SH3TC1: variants seen among roughly 807,000 people sequenced by gnomAD.
SH3TC1 encodes the protein SH3 domain and tetratricopeptide repeats 1.
Under a neutral mutation model 117.3 loss-of-function variants are expected in SH3TC1, and 135 were observed. The ratio of observed to expected loss-of-function variants is 1.15; its 90% CI spans 1.00 to 1.33. SH3TC1 has a LOEUF of 1.33. Ranked by LOEUF, SH3TC1 falls within the 40% of genes most tolerant of loss-of-function variation. The probability of loss-of-function intolerance (pLI) is 0.00; values close to 1 mark genes in which losing one functional copy is unlikely to be tolerated. For missense variants in SH3TC1, 2,092 were observed against 1,794.3 expected (o/e 1.17, Z -3.00); for synonymous variants, 898 against 816.9 (o/e 1.10, Z -1.69).
intron 7 of SH3TC1, among the ~76,000 whole-genome samples, chr4:8,217,580 G>A (rs976657912): frequency 1.1e-4 from 16 of 152,210 alleles, no homozygotes; most frequent in East Asian, 1.9e-4. Flanking sequence ...TTGCTGAAGC[G>A]GGGGGCATTA....
chr4:8,212,951 G>C (rs1718886137), intron 4 of SH3TC1, 123 bp downstream of exon 4: 7 of 1,319,010 alleles, frequency 5.3e-6, no homozygotes, highest in Non-Finnish European at 7.1e-6. Context: ...GAGCCACTCA[G>C]GACAGTGGTG....
At chr4:8,228,955 C>G (rs1038153781) in intron 12 of SH3TC1, among the ~76,000 whole-genome samples, 5 of 152,174 alleles carry the variant, frequency 3.3e-5, no homozygotes, top group Admixed American at 2.0e-4. Flanking sequence ...AGACATAACC[C>G]TGGAAGCGAG....
In SH3TC1 at chr4:8,228,050, G is replaced by A. The variant is rs761278297; in HGVS notation, c.2356G>A (p.Gly786Ser). 7.0e-5 allele frequency: 113 copies of A among 1,605,168 alleles called. No homozygotes were observed. The East Asian group carries it at 1.6e-3, about 23-fold the overall frequency. ...CCCGGGCACAGGCCAGGCGCTGCGCGGCCCCCTCTACACCAGCTTGGCCCA... is the reference window on the plus strand; with the variant it reads ...CCCGGGCACAGGCCAGGCGCTGCGCAGCCCCCTCTACACCAGCTTGGCCCA... ...LTPGTGQALRGPLYTSLAQLY... is the reference protein window; with the variant it reads ...LTPGTGQALRSPLYTSLAQLY... The change falls in exon 12 of 18, where the codon GGC becomes AGC. Residue 786 changes from glycine (G) to serine (S), a missense_variant. Physicochemically the swap from Gly to Ser is moderately conservative, Grantham distance 56. Coordinates refer to ENST00000245105, the MANE Select transcript of SH3TC1 (RefSeq NM_018986.5).
intron 10 of SH3TC1, chr4:8,224,904 T>G: frequency 4.4e-5 from 21 of 472,376 alleles, no homozygotes; most frequent in East Asian, 7.3e-5. Flanking sequence ...TGCTAGAACA[T>G]GAGAATTCTC....
intron 7 of SH3TC1, 115 bp from the exon 8 acceptor site, chr4:8,218,156 A>G: frequency 1.6e-6 from 1 of 620,804 alleles, no homozygotes; most frequent in Non-Finnish European, 2.9e-6. Context: ...GTGTTGGGGG[A>G]GGCGAGGGAC....
chr4:8,202,187 G>A (rs1717884521), intron 1 of SH3TC1, among the ~76,000 whole-genome samples: 1 of 152,188 alleles, frequency 6.6e-6, no homozygotes, highest in Admixed American at 6.5e-5. Flanking sequence ...CAGGTGCCAG[G>A]ACCGCAGTCC....
At chr4:8,219,284 C>T (rs893813676) in intron 8 of SH3TC1, 51 bp from the exon 9 acceptor site, 1 of 1,499,326 alleles carries the variant, frequency 6.7e-7, no homozygotes, top group African/African-American at 1.4e-5. Context: ...TCTGCCCGCT[C>T]TGGCCCCCAT....
chr4:8,212,909 T>G (rs1712287), intron 4 of SH3TC1, 81 bp downstream of exon 4: 2 of 1,458,340 alleles, frequency 1.4e-6, no homozygotes, highest in Non-Finnish European at 9.1e-7. Context: ...TGTCTGAGAC[T>G]GGGGACACAG....
chr4:8,196,346 G>T (rs576740391), upstream of SH3TC1, among the ~76,000 whole-genome samples: 49 of 152,310 alleles, frequency 3.2e-4, no homozygotes, highest in African/African-American at 1.1e-3. The surrounding 1 kb of genome is among the most constrained non-coding windows in gnomAD (Gnocchi z 4.6). Flanking sequence ...GCAGGGGAGG[G>T]AGCCTCAGAG....
Position 8,228,238 on chromosome 4 carries a change from G to A in SH3TC1, c.2544G>A (p.Leu848=). The change falls in exon 12 of 18, where the codon CTG becomes CTA. Residue 848 remains leucine (L), a synonymous_variant. Coordinates refer to ENST00000245105, the MANE Select transcript of SH3TC1 (RefSeq NM_018986.5). ...AGAGCCCGGTGGCCCTGGACATCCT[G>A]CAGTCTGTCCGGGATGCAGTGGTGG... is the stretch of plus-strand genomic sequence containing the variant. The part of the protein sequence containing the change: ...HGQSPVALDI[L]QSVRDAVVAS... The A allele has an allele frequency of 1.2e-6, 2 of 1,610,008 alleles. No individual in the cohort carries two copies. The highest frequency in any genetic ancestry group is 1.3e-5 in the African/African-American group (1 of 75,044).
chr4:8,224,048 C>CGCAT (rs3068563), intron 10 of SH3TC1, among the ~76,000 whole-genome samples: 1 of 150,260 alleles, frequency 6.7e-6, no homozygotes, highest in Non-Finnish European at 1.5e-5. Context: ...CAAGTATACA[C>CGCAT]ACACACACAC....
At chr4:8,238,043 T>TG (rs1721981371) in intron 17 of SH3TC1, among the ~76,000 whole-genome samples, 1 of 152,120 alleles carries the variant, frequency 6.6e-6, no homozygotes, top group Non-Finnish European at 1.5e-5. Context: ...GAAGGACATT[T>TG]GGGGGGATGG....
rs1383227603 is a variant in SH3TC1 at position 8,209,440 on chromosome 4, G to A, written c.173-308G>A. ...CCCCAGAGCCCCTGGGAGGAACAGG[G>A]CCCTGTCCACACCCTCACTTTAGCT... On this transcript the variant is annotated intron_variant, in intron 2 of 17. Coordinates refer to ENST00000245105, the MANE Select transcript of SH3TC1 (RefSeq NM_018986.5). The surrounding 1 kb of genome is among the most constrained non-coding windows in gnomAD (Gnocchi z 5.9). Among the ~76,000 whole-genome samples, 2 of 152,192 alleles carry A rather than the reference G, an allele frequency of 1.3e-5. No homozygotes were observed. Among genetic ancestry groups the A allele is most frequent in the African/African-American group, 4.8e-5 (2 of 41,436 alleles).
At chr4:8,214,938 G>A (rs191382135) in intron 5 of SH3TC1, among the ~76,000 whole-genome samples, 1 of 152,300 alleles carries the variant, frequency 6.6e-6, no homozygotes, top group East Asian at 1.9e-4. Flanking sequence ...CGCCCGCCTT[G>A]CCCTCCCAAA....
intron 8 of SH3TC1, 127 bp downstream of exon 8, chr4:8,218,474 A>G (rs965186701): frequency 3.2e-6 from 2 of 625,098 alleles, no homozygotes; most frequent in East Asian, 2.9e-5. Context: ...TGCAAGAGTA[A>G]TTGTGGTTTT....
chr4:8,220,115 T>C (rs1306657912), intron 9 of SH3TC1, among the ~76,000 whole-genome samples: 1 of 152,200 alleles, frequency 6.6e-6, no homozygotes, highest in Non-Finnish European at 1.5e-5. Flanking sequence ...TAATTACATC[T>C]GCAAAGATCC....
intron 5 of SH3TC1, 115 bp downstream of exon 5, chr4:8,214,695 T>A: frequency 1.2e-6 from 1 of 847,928 alleles, no homozygotes; most frequent in Non-Finnish European, 1.9e-6. Flanking sequence ...TATTGATGTA[T>A]TGTTTTAAGA....
At position 8,192,447 on chromosome 4, in the gene SH3TC1, C is replaced by CTTTTATTTTATTTTAT. The variant is rs1022844300; in HGVS notation, c.-57+10240_-57+10241insTATTTTATTTTATTTT. The stretch of plus-strand genomic sequence containing the variant: ...ACAATCTTCTTATCCAACCACTTGT[C>CTTTTATTTTATTTTAT]TTTATTTTATTTTATTTTATTTTAT... On this transcript the variant is annotated intron_variant, in intron 1 of 16. Transcript: ENST00000508641. The surrounding 1 kb of genome is among the most constrained non-coding windows in gnomAD (Gnocchi z 4.1). Among the ~76,000 whole-genome samples the CTTTTATTTTATTTTAT allele has an allele frequency of 6.2e-4, 86 of 138,466 alleles. No individual in the cohort carries two copies. Among genetic ancestry groups the CTTTTATTTTATTTTAT allele is most frequent in the African/African-American group, 2.3e-3 (85 of 37,094 alleles). The allele number at this position is 138,466 out of a possible 152,430, so 90.8% of individuals were successfully genotyped here.
At chr4:8,189,147 C>T (rs1578634090) in intron 1 of SH3TC1, among the ~76,000 whole-genome samples, 1 of 152,394 alleles carries the variant, frequency 6.6e-6, no homozygotes, top group East Asian at 1.9e-4. Flanking sequence ...TGTTGGCTCC[C>T]ACCTGGCTTG....
Sources: allele counts gnomAD v4.1 joint callset (sites outside exome capture counted in the v4.1 genomes callset), GRCh38; gene constraint gnomAD v4.1.1; non-coding constraint Gnocchi (gnomAD v3.1); transcripts MANE v1.5; gene names NCBI Gene and HGNC (gene_info 2026-07-23, HGNC 2026-07-21).